The following RAB11FIP3 variants were observed in gnomAD, a reference collection of about 807,000 sequenced individuals.
The protein encoded by RAB11FIP3 is rab11 family-interacting protein 3.
RAB11FIP3 carries 17 observed loss-of-function variants against 77.8 expected under a neutral mutation model. That is an observed-to-expected ratio of 0.22 (90% confidence interval 0.15 to 0.33). RAB11FIP3 has a LOEUF of 0.33. RAB11FIP3 is among the 10% of genes least tolerant of loss of function. The pLI, the probability that RAB11FIP3 is intolerant of heterozygous loss-of-function variation, is 1.00. For synonymous variants in RAB11FIP3, 437 were observed against 448.2 expected, an observed-to-expected ratio of 0.98 and a Z score of 0.31; for missense variants, 1,005 against 1,011.2, an observed-to-expected ratio of 0.99 and a Z score of 0.08.
intron 8 of RAB11FIP3, chr16:510,363 T>C: frequency 2.9e-6 from 1 of 344,778 alleles, no homozygotes; most frequent in Non-Finnish European, 5.3e-6. Context: ...TCAGGCCCTC[T>C]GAGTGCTGCG....
intron 6 of RAB11FIP3, among the ~76,000 whole-genome samples, chr16:501,074 GT>G (rs1020453907): frequency 6.6e-6 from 1 of 152,222 alleles, no homozygotes. Flanking sequence ...GCTGGTGCAC[GT>G]TCACAGGGCT....
In RAB11FIP3 at chr16:461,364, T is replaced by TA. The variant is rs1208902363; in HGVS notation, c.715-37dup. The TA allele has an allele frequency of 1.8e-5, 28 of 1,563,742 alleles. No homozygotes were observed. In the Middle Eastern group the frequency reaches 1.0e-3, roughly 57 times the overall value. On this transcript the variant is annotated intron_variant, in intron 1 of 13. Transcript: ENST00000262305. This position sits in a 1 kb window ranked among gnomAD's most constrained non-coding sequence, Gnocchi z 4.5. ...GGTCCAGGGTTGGGGACCCCTGCTG[T>TA]AAAGGCTTAGGGTAACCTAGTCTCA...
At chr16:476,315 A>C (rs1449738995) in intron 3 of RAB11FIP3, among the ~76,000 whole-genome samples, 1 of 152,142 alleles carries the variant, frequency 6.6e-6, no homozygotes, top group Non-Finnish European at 1.5e-5. Flanking sequence ...TTCCATCCCA[A>C]ACCATCCTGT....
intron 6 of RAB11FIP3, among the ~76,000 whole-genome samples, chr16:500,789 G>A (rs2031466934): frequency 6.6e-6 from 1 of 151,828 alleles, no homozygotes; most frequent in Admixed American, 6.6e-5. Flanking sequence ...GTGGCCACGT[G>A]TGGTGGCTGC....
rs894735784 is a variant in RAB11FIP3 at position 519,186 on chromosome 16, G to A, written c.1722+162G>A. On this transcript the variant is annotated intron_variant, in intron 10 of 13. Transcript: ENST00000262305. ...CCAGGCCGCTGGAAGACACTGGACCGTGCTCCACCCACAGGAGCAGGGCCC... is the reference window on the plus strand; with the variant it reads ...CCAGGCCGCTGGAAGACACTGGACCATGCTCCACCCACAGGAGCAGGGCCC... The A allele has an allele frequency of 7.8e-5, 54 of 689,648 alleles. 1 individual carries two copies. Among genetic ancestry groups the A allele is most frequent in the Admixed American group, 5.3e-4 (20 of 37,398 alleles). 42.7% of individuals were successfully genotyped at this position (689,648 alleles called of 1,614,324 possible).
At chr16:479,642 G>A (rs2055993072) in intron 3 of RAB11FIP3, among the ~76,000 whole-genome samples, 2 of 152,160 alleles carry the variant, frequency 1.3e-5, no homozygotes, top group African/African-American at 4.8e-5. Context: ...AAATTACTCT[G>A]CCAGGCTCAG....
Position 426,332 on chromosome 16 carries a change from G to C in RAB11FIP3, c.326G>C (p.Gly109Ala). The C allele has an allele frequency of 6.7e-7, 1 of 1,482,208 alleles. No homozygotes were observed. The highest frequency in any genetic ancestry group is 9.0e-7 in the Non-Finnish European group (1 of 1,115,772). 91.8% of individuals were successfully genotyped at this position (1,482,208 alleles called of 1,614,324 possible). A position where few individuals can be genotyped will look rare whatever the true frequency, so the allele number is the denominator to read the frequency against. ...QLASPDAPGP[G>A]PRSEAPLPEL... ...GCGAGCCCCGACGCCCCGGGCCCAG[G>C]GCCGCGCTCCGAAGCGCCGCTTCCA... The change falls in exon 1 of 14, where the codon GGG becomes GCG. Residue 109 changes from glycine (G) to alanine (A), a missense_variant. This residue lies in a region of RAB11FIP3 where 466 missense variants were observed against 408.3 expected (regional missense o/e 1.14). Coordinates refer to ENST00000262305, the MANE Select transcript of RAB11FIP3 (RefSeq NM_014700.4). This position sits in a 1 kb window ranked among gnomAD's most constrained non-coding sequence, Gnocchi z 5.0.
intron 13 of RAB11FIP3, 54 bp downstream of exon 13, chr16:520,653 CTG>C: frequency 6.2e-7 from 1 of 1,610,536 alleles, no homozygotes; most frequent in Non-Finnish European, 8.5e-7. Flanking sequence ...TCTGCACTGT[CTG>C]TGCGCTGTGG....
At chr16:465,830 C>T (rs943614458) in intron 2 of RAB11FIP3, among the ~76,000 whole-genome samples, 1 of 152,182 alleles carries the variant, frequency 6.6e-6, no homozygotes, top group Non-Finnish European at 1.5e-5. Flanking sequence ...GTCGTGAACT[C>T]CTGACCTCAG....
rs184779895 is a variant in RAB11FIP3, at chr16:426,815, G to C, written c.714+95G>C. On this transcript the variant is annotated intron_variant, in intron 1 of 13. Coordinates refer to ENST00000262305, the MANE Select transcript of RAB11FIP3 (RefSeq NM_014700.4). This position sits in a 1 kb window ranked among gnomAD's most constrained non-coding sequence, Gnocchi z 5.0. The stretch of plus-strand genomic sequence containing the variant: ...ACCGGTCGACGCTGCCCCTGGAGTC[G>C]GGAAAGGCACTGTCAAGACCTGACG... 2 of 1,041,104 alleles carry C rather than the reference G, an allele frequency of 1.9e-6. No individual in the cohort carries two copies. Among genetic ancestry groups the C allele is most frequent in the South Asian group, 2.0e-5 (1 of 50,816 alleles). The allele number at this position is 1,041,104 out of a possible 1,614,324, so 64.5% of individuals were successfully genotyped here. A position where few individuals can be genotyped will look rare whatever the true frequency, so the allele number is the denominator to read the frequency against.
intron 7 of RAB11FIP3, among the ~76,000 whole-genome samples, chr16:503,577 C>T (rs764157015): frequency 5.9e-5 from 9 of 152,156 alleles, no homozygotes; most frequent in Middle Eastern, 3.4e-3. Flanking sequence ...GCAGCCTTGC[C>T]GTGGTCAAGA....
At chr16:431,134 C>T (rs980725307) in intron 1 of RAB11FIP3, among the ~76,000 whole-genome samples, 8 of 151,672 alleles carry the variant, frequency 5.3e-5, no homozygotes, top group African/African-American at 1.9e-4. Flanking sequence ...TATGTGTGTG[C>T]GGTGAGATGT....
intron 1 of RAB11FIP3, among the ~76,000 whole-genome samples, chr16:456,808 G>A (rs561384035): frequency 1.8e-4 from 27 of 152,212 alleles, no homozygotes; most frequent in African/African-American, 4.3e-4. Context: ...AAAACAAAAC[G>A]AGCACTTGTT....
intron 10 of RAB11FIP3, 101 bp from the exon 11 acceptor site, chr16:519,653 C>T: frequency 6.7e-7 from 1 of 1,484,158 alleles, no homozygotes; most frequent in Non-Finnish European, 9.2e-7. Flanking sequence ...CACCGCGTTG[C>T]TGTTGGGAGA....
In RAB11FIP3 at chr16:448,932, CATAAATAAGTAA is replaced by C. The variant is rs200644227; in HGVS notation, c.715-12454_715-12443del. On this transcript the variant is annotated intron_variant, in intron 1 of 13. Coordinates refer to ENST00000262305, the MANE Select transcript of RAB11FIP3 (RefSeq NM_014700.4). ...CTCTGTCTAAAAAAAAATTGAATAACATAAATAAGTAAATAAATAAGTAAATAAAAACAGGAT... is the reference window on the plus strand; with the variant it reads ...CTCTGTCTAAAAAAAAATTGAATAACATAAATAAGTAAATAAAAACAGGAT... Among the ~76,000 whole-genome samples the C allele has an allele frequency of 1.2e-4, 18 of 152,010 alleles. No individual in the cohort carries two copies. In the East Asian group the frequency reaches 2.9e-3, roughly 24 times the overall value.
chr16:501,603 TC>T (rs1216492930), intron 6 of RAB11FIP3, among the ~76,000 whole-genome samples: 2 of 101,358 alleles, frequency 2.0e-5, no homozygotes, highest in South Asian at 3.5e-4. Context: ...TGGGAGAGGG[TC>T]CCCCCATTTC....
chr16:427,832 G>A (rs548524814), intron 1 of RAB11FIP3, among the ~76,000 whole-genome samples: 1 of 152,278 alleles, frequency 6.6e-6, no homozygotes, highest in South Asian at 2.1e-4. Context: ...GGGCGCGGTG[G>A]CTCATGCCTG....
intron 1 of RAB11FIP3, among the ~76,000 whole-genome samples, chr16:458,036 G>A (rs2055531732): frequency 1.3e-5 from 2 of 152,244 alleles, no homozygotes; most frequent in Non-Finnish European, 2.9e-5. Flanking sequence ...CGATGGCCCC[G>A]GCCTCTTCCG....
intron 1 of RAB11FIP3, among the ~76,000 whole-genome samples, chr16:438,979 G>A (rs955885720): frequency 3.9e-5 from 6 of 152,158 alleles, no homozygotes; most frequent in African/African-American, 4.8e-5. Flanking sequence ...GAACCGCCGC[G>A]CCCGGCTAAA....
Sources: allele counts gnomAD v4.1 joint callset (sites outside exome capture counted in the v4.1 genomes callset), GRCh38; gene constraint gnomAD v4.1.1; regional missense constraint gnomAD v4.1.1; non-coding constraint Gnocchi (gnomAD v3.1); transcripts MANE v1.5; gene names NCBI Gene and HGNC (gene_info 2026-07-23, HGNC 2026-07-21).